STRIP2: variants seen among roughly 807,000 people sequenced by gnomAD.
The protein encoded by STRIP2 is striatin-interacting protein 2.
A neutral mutation model predicts 107.1 loss-of-function variants in STRIP2; 84 were observed. The observed-to-expected ratio is 0.78, with a 90% CI of 0.66 to 0.94. The LOEUF is 0.94. Among genes scored for constraint, STRIP2 ranks in the 40% least tolerant of loss-of-function variants. The pLI is 0.00. For missense variants in STRIP2, 888 were observed against 1,034.2 expected, an observed-to-expected ratio of 0.86 and a Z score of 1.94; for synonymous variants, 394 against 400.4, an observed-to-expected ratio of 0.98 and a Z score of 0.19.
intron 9 of STRIP2, 141 bp downstream of exon 9, chr7:129,456,783 C>T (rs547083104): frequency 3.8e-5 from 27 of 706,244 alleles, no homozygotes; most frequent in Non-Finnish European, 6.0e-5. Context: ...AACCTGAAAT[C>T]TTAGGGTCTC....
At chr7:129,440,525 CCTT>C (rs1162355543) in intron 2 of STRIP2, among the ~76,000 whole-genome samples, 1 of 152,166 alleles carries the variant, frequency 6.6e-6, no homozygotes, top group African/African-American at 2.4e-5. Flanking sequence ...TCCATCTTTT[CCTT>C]CTTCCTCTCG....
At chr7:129,484,673 G>C (rs1799203826) in intron 20 of STRIP2, 2 of 152,302 alleles carry the variant, frequency 1.3e-5, no homozygotes, top group Admixed American at 6.5e-5. Flanking sequence ...AAAGGGTTTA[G>C]AGAACTAAAG....
At chr7:129,466,227 CA>C (rs35903740) in intron 16 of STRIP2, among the ~76,000 whole-genome samples, 30,274 of 152,080 alleles carry the variant, frequency 0.2, 3,878 homozygotes, top group Non-Finnish European at 0.28. Flanking sequence ...TGAAGGGCCA[CA>C]GGCACATCTC....
Position 129,453,333 on chromosome 7 carries a change from C to A in STRIP2, c.516C>A (p.Leu172=), listed in dbSNP as rs199657243. The A allele has an allele frequency of 3.7e-6, 6 of 1,614,112 alleles. No individual in the cohort carries two copies. In the Admixed American group the frequency reaches 8.3e-5, roughly 22 times the overall value. Residue 172 remains leucine, a synonymous_variant, in exon 5 of 21, where the codon CTC becomes CTA. Coordinates refer to ENST00000249344, the MANE Select transcript of STRIP2 (RefSeq NM_020704.3). ...CCTTCTCCACCTTCCTGGAGCTACT[C>A]CACATGGAAATTGAGTGAGAAGCCT... is the stretch of plus-strand genomic sequence containing the variant. ...MGTFSTFLEL[L]HMEIDNSQAC... is the part of the protein sequence containing the mutation.
rs896307233 is a variant in STRIP2, at chr7:129,459,715, T to C, written c.1404+135T>C. 7.9e-5 allele frequency: 51 copies of C among 649,302 alleles called. No homozygotes were observed. In the South Asian group the frequency reaches 1.1e-3, roughly 14 times the overall value. The allele number at this position is 649,302 out of a possible 1,614,324, so 40.2% of individuals were successfully genotyped here. The stretch of plus-strand genomic sequence containing the variant: ...CTTCTGCATTCCTCCTGCAGTCCTT[T>C]GGCCAAATAGGAAAAATTAGGTCTC... On this transcript the variant is annotated intron_variant, in intron 12 of 20. Coordinates refer to ENST00000249344, the MANE Select transcript of STRIP2 (RefSeq NM_020704.3).
chr7:129,485,574 C>G lies in STRIP2; in HGVS notation c.2255-5C>G. ...TGTCTTCTTCTTCCTCTCTTTCCAA[C>G]ACAGACATCGATGCCAGACCATGGG... is the stretch of plus-strand genomic sequence containing the variant. On this transcript the variant is annotated splice_polypyrimidine_tract_variant and splice_region_variant and intron_variant, in intron 20 of 20. Coordinates refer to ENST00000249344, the MANE Select transcript of STRIP2 (RefSeq NM_020704.3). 6.2e-7 allele frequency: 1 copy of G among 1,613,222 alleles called. No individual in the cohort carries two copies. Among genetic ancestry groups the G allele is most frequent in the Non-Finnish European group, 8.5e-7 (1 of 1,179,654 alleles).
At chr7:129,459,925 A>G (rs1798482705) in intron 12 of STRIP2, among the ~76,000 whole-genome samples, 1 of 151,946 alleles carries the variant, frequency 6.6e-6, no homozygotes, top group Non-Finnish European at 1.5e-5. Context: ...AGCCTGCTCT[A>G]TATCCATTGT....
Position 129,485,908 on chromosome 7 carries a change from C to A in STRIP2, c.*79C>A. ...GCTCTGCCTACCCTGTCCATACAGG[C>A]GCTGTTACCAGTTCAGGGCTCTTCT... On this transcript the variant is annotated 3_prime_UTR_variant, in exon 21 of 21. Coordinates refer to ENST00000249344, the MANE Select transcript of STRIP2 (RefSeq NM_020704.3). The A allele has an allele frequency of 6.5e-7, 1 of 1,535,144 alleles. No individual in the cohort carries two copies. Among genetic ancestry groups the A allele is most frequent in the Non-Finnish European group, 8.9e-7 (1 of 1,125,140 alleles).
chr7:129,448,479 A>G (rs569106080), intron 3 of STRIP2, among the ~76,000 whole-genome samples: 85 of 152,196 alleles, frequency 5.6e-4, no homozygotes, highest in South Asian at 1.2e-3. Flanking sequence ...TTCCAGGTCT[A>G]TTAACTGGCT....
intron 7 of STRIP2, among the ~76,000 whole-genome samples, chr7:129,455,032 C>G (rs1584947353): frequency 6.6e-6 from 1 of 152,264 alleles, no homozygotes; most frequent in Non-Finnish European, 1.5e-5. Flanking sequence ...ACCCTAAGCT[C>G]TGGGGCCTAT....
At chr7:129,448,772 C>T (rs1316028295) in intron 3 of STRIP2, among the ~76,000 whole-genome samples, 1 of 152,134 alleles carries the variant, frequency 6.6e-6, no homozygotes, top group Non-Finnish European at 1.5e-5. Flanking sequence ...CCTCGGGATC[C>T]AATTATTCCC....
chr7:129,472,627 G>A (rs1798812853), intron 18 of STRIP2, among the ~76,000 whole-genome samples: 1 of 151,978 alleles, frequency 6.6e-6, no homozygotes, highest in South Asian at 2.1e-4. Context: ...TAGGTCCTCA[G>A]TATGGTTTAT....
rs777631901 is a variant in STRIP2, at chr7:129,463,046, G to GT, written c.1551+6_1551+7insT. 2 of 1,610,894 alleles carry GT rather than the reference G, an allele frequency of 1.2e-6. No individual in the cohort carries two copies. Among genetic ancestry groups the GT allele is most frequent in the Non-Finnish European group, 1.7e-6 (2 of 1,178,080 alleles). ...ACAGCCTTCCGCAGTATATGGTAAG[G>GT]AGATGGCTAGGCCAGAGCTGCCCTT... On this transcript the variant is annotated splice_region_variant and intron_variant, in intron 14 of 20. Transcript: ENST00000249344.
intron 19 of STRIP2, among the ~76,000 whole-genome samples, chr7:129,481,966 G>A (rs930252617): frequency 6.6e-6 from 1 of 151,942 alleles, no homozygotes; most frequent in Admixed American, 6.6e-5. Flanking sequence ...TCAGGAGTTT[G>A]AGACCAGCCT....
chr7:129,473,145 G>A (rs573868813), intron 18 of STRIP2, among the ~76,000 whole-genome samples: 13 of 151,948 alleles, frequency 8.6e-5, no homozygotes, highest in East Asian at 5.8e-4. Flanking sequence ...ATAAATATAC[G>A]TATTGCAGAA....
At chr7:129,485,066 T>G (rs1799211367) in intron 20 of STRIP2, among the ~76,000 whole-genome samples, 1 of 152,198 alleles carries the variant, frequency 6.6e-6, no homozygotes, top group Admixed American at 6.5e-5. Flanking sequence ...AAATCTTCGG[T>G]AATTGGTCCA....
chr7:129,456,806 T>C (rs1343140705), intron 9 of STRIP2, among the ~76,000 whole-genome samples, 164 bp downstream of exon 9: 1 of 152,154 alleles, frequency 6.6e-6, no homozygotes, highest in Non-Finnish European at 1.5e-5. Context: ...GTTTGGCCTC[T>C]GTCCCCCAGC....
At chr7:129,481,216 T>A (rs1420547573) in intron 19 of STRIP2, among the ~76,000 whole-genome samples, 1 of 152,154 alleles carries the variant, frequency 6.6e-6, no homozygotes, top group East Asian at 1.9e-4. Flanking sequence ...AATGAAAGCT[T>A]GTCTGGGCTC....
chr7:129,436,680 G>T (rs1460662258), intron 1 of STRIP2, among the ~76,000 whole-genome samples: 7 of 152,064 alleles, frequency 4.6e-5, no homozygotes, highest in African/African-American at 1.7e-4. Flanking sequence ...CCCTCTTTTT[G>T]CTTTCCTGTG....
Sources: gnomAD v4.1 joint callset for allele counts (sites outside exome capture counted in the v4.1 genomes callset) on GRCh38, gnomAD v4.1.1 for gene constraint, MANE v1.5 for transcripts, NCBI Gene and HGNC (gene_info 2026-07-23, HGNC 2026-07-21) for gene names.